OPCML: variants seen among roughly 807,000 people sequenced by gnomAD.
The protein encoded by OPCML is opioid-binding protein/cell adhesion molecule.
OPCML carries 13 observed loss-of-function variants against 37.8 expected under a neutral mutation model. That is an observed-to-expected ratio of 0.34 (90% CI 0.22 to 0.55). OPCML has a LOEUF of 0.55. OPCML is among the 20% of genes least tolerant of loss of function. The pLI is 0.91. For missense variants in OPCML, 341 were observed against 435.6 expected, an observed-to-expected ratio of 0.78 and a Z score of 1.93; for synonymous variants, 176 against 168.8, an observed-to-expected ratio of 1.04 and a Z score of -0.33.
intron 1 of OPCML, among the ~76,000 whole-genome samples, chr11:133,094,107 G>A (rs777779841): frequency 2.6e-5 from 4 of 151,566 alleles, no homozygotes; most frequent in Non-Finnish European, 5.9e-5. Flanking sequence ...AAATATTTCA[G>A]TAAAAAAAAA....
intron 2 of OPCML, among the ~76,000 whole-genome samples, chr11:132,758,306 T>C (rs148317117): frequency 0.031 from 4,700 of 152,304 alleles, 101 homozygotes; most frequent in African/African-American, 0.07. Context: ...TGGTTCCATA[T>C]GAAATTTAAA....
In OPCML at chr11:133,174,504, A is replaced by G. The variant is rs1950337930; in HGVS notation, c.62-231494T>C. ...TAATGACGTAAAGGTGATTATGAAC[A>G]TTACGATTTATAATAGTGGAGGACT... On this transcript the variant is annotated intron_variant, in intron 1 of 7. Transcript: ENST00000524381. This position sits in a 1 kb window ranked among gnomAD's most constrained non-coding sequence, Gnocchi z 4.6. Among the ~76,000 whole-genome samples, 1 of 152,194 alleles carries G rather than the reference A, an allele frequency of 6.6e-6. No individual in the cohort carries two copies. The highest frequency in any genetic ancestry group is 6.5e-5 in the Admixed American group (1 of 15,292).
chr11:132,554,874 T>TTTTTTTTTTTTTTTG (rs2137455290), intron 3 of OPCML, among the ~76,000 whole-genome samples: 1 of 132,086 alleles, frequency 7.6e-6, no homozygotes, highest in South Asian at 2.7e-4. Context: ...TTTTTTTTTT[T>TTTTTTTTTTTTTTTG]TTTTTTTTTT....
rs202178146 is a variant in OPCML, at chr11:133,140,639, GGAGGAA to G, written c.62-197635_62-197630del. ...AAGAGGAAGAGGAAGAGGAGGAAGA[GGAGGAA>G]GAGGAAGAGGAAGAAAAGAAGAAAA... is the stretch of plus-strand genomic sequence containing the variant. On this transcript the variant is annotated intron_variant, in intron 1 of 7. Coordinates refer to ENST00000524381, the MANE Select transcript of OPCML (RefSeq NM_001012393.5). 6.2e-3 allele frequency among the ~76,000 whole-genome samples: 898 copies of G among 146,002 alleles called. 9 individuals are homozygous for G. Among genetic ancestry groups the G allele is most frequent in the African/African-American group, 0.021 (859 of 40,020 alleles).
intron 1 of OPCML, chr11:133,006,584 T>G: frequency 2.0e-6 from 2 of 985,458 alleles, no homozygotes; most frequent in Non-Finnish European, 2.4e-6. Context: ...CTGTTGAAAG[T>G]TGAAAGTCGC....
chr11:132,896,275 AC>A (rs1943838880), intron 2 of OPCML, among the ~76,000 whole-genome samples: 3 of 152,176 alleles, frequency 2.0e-5, no homozygotes, highest in Non-Finnish European at 2.9e-5. Context: ...CAGAAGACAG[AC>A]TTTTCATCAA....
At chr11:132,952,395 A>C (rs1945879190) in intron 1 of OPCML, among the ~76,000 whole-genome samples, 1 of 152,200 alleles carries the variant, frequency 6.6e-6, no homozygotes, top group Non-Finnish European at 1.5e-5. Flanking sequence ...TAAAAAACCC[A>C]AACCAATCCC....
chr11:133,363,142 G>T (rs923713130), intron 1 of OPCML, among the ~76,000 whole-genome samples: 1 of 152,162 alleles, frequency 6.6e-6, no homozygotes, highest in Admixed American at 6.5e-5. Context: ...TGCACGTCAT[G>T]ATTTATCCAG....
At chr11:133,047,622 C>A (rs1465022897) in intron 1 of OPCML, among the ~76,000 whole-genome samples, 1 of 152,124 alleles carries the variant, frequency 6.6e-6, no homozygotes, top group Non-Finnish European at 1.5e-5. Flanking sequence ...CGACTGCTGG[C>A]CGTGGGTCAC....
chr11:133,332,069 G>A (rs900602869), intron 1 of OPCML, among the ~76,000 whole-genome samples: 4 of 152,164 alleles, frequency 2.6e-5, no homozygotes, highest in African/African-American at 9.7e-5. Flanking sequence ...CCATGAGCAT[G>A]GGATGATTTC....
intron 2 of OPCML, among the ~76,000 whole-genome samples, chr11:132,904,929 G>A (rs554173577): frequency 1.5e-4 from 23 of 152,152 alleles, no homozygotes; most frequent in Admixed American, 2.0e-4. Context: ...ACAATAAAAC[G>A]AAATGTTTCA....
chr11:133,332,386 G>C (rs1943639041), intron 1 of OPCML, among the ~76,000 whole-genome samples: 2 of 152,136 alleles, frequency 1.3e-5, no homozygotes, highest in Non-Finnish European at 2.9e-5. Context: ...GATAGTTTGA[G>C]TTTCTCTCTT....
intron 2 of OPCML, among the ~76,000 whole-genome samples, chr11:132,663,889 G>A (rs900674569): frequency 6.6e-6 from 1 of 152,180 alleles, no homozygotes. Flanking sequence ...CTTGAGTGCA[G>A]TGACGCGATC....
chr11:133,034,834 C>T lies in OPCML; in HGVS notation c.62-91824G>A, dbSNP rs1223802462. ...GTAGCCTCATGTGAACTTGCAGGAA[C>T]CCTCCATTCTGGACCCCAGATCTTT... is the stretch of plus-strand genomic sequence containing the variant. On this transcript the variant is annotated intron_variant, in intron 1 of 7. Transcript: ENST00000524381. Among the ~76,000 whole-genome samples, 3 of 151,130 alleles carry T rather than the reference C, an allele frequency of 2.0e-5. No individual in the cohort carries two copies. In the East Asian group the frequency reaches 5.9e-4, roughly 30 times the overall value.
intron 1 of OPCML, chr11:133,421,127 C>T (rs1945877253): frequency 1.0e-6 from 1 of 985,240 alleles, no homozygotes; most frequent in Non-Finnish European, 1.2e-6. Flanking sequence ...GTTCTCCAAG[C>T]TAACTCTATT....
chr11:133,093,067 T>C (rs1948936252), intron 1 of OPCML, among the ~76,000 whole-genome samples: 1 of 152,078 alleles, frequency 6.6e-6, no homozygotes, highest in African/African-American at 2.4e-5. Flanking sequence ...ATAATAATTA[T>C]TATTATTAAT....
chr11:133,523,378 G>T (rs1332145392), intron 1 of OPCML, among the ~76,000 whole-genome samples: 1 of 152,158 alleles, frequency 6.6e-6, no homozygotes, highest in Non-Finnish European at 1.5e-5. Flanking sequence ...TTAGATTTCA[G>T]TTCTGCAGAT....
At chr11:132,597,811 C>T (rs79877175) in intron 3 of OPCML, among the ~76,000 whole-genome samples, 2 of 152,246 alleles carry the variant, frequency 1.3e-5, no homozygotes, top group African/African-American at 2.4e-5. Flanking sequence ...ATAAAACACA[C>T]GTAACAAAAA....
intron 1 of OPCML, among the ~76,000 whole-genome samples, chr11:133,047,065 G>A (rs1239452322): frequency 2.0e-5 from 3 of 152,194 alleles, no homozygotes; most frequent in African/African-American, 4.8e-5. Flanking sequence ...ACCTGAAACG[G>A]TGATTGAGAC....
Sources: allele counts gnomAD v4.1 joint callset (sites outside exome capture counted in the v4.1 genomes callset), GRCh38; gene constraint gnomAD v4.1.1; non-coding constraint Gnocchi (gnomAD v3.1); transcripts MANE v1.5; gene names NCBI Gene and HGNC (gene_info 2026-07-23, HGNC 2026-07-21).